CAMTA1: variants seen among roughly 807,000 people sequenced by gnomAD.
CAMTA1 encodes the protein calmodulin binding transcription activator 1.
A neutral mutation model predicts 170.9 loss-of-function variants in CAMTA1; 27 were observed. That is an observed-to-expected ratio of 0.16 (90% confidence interval 0.12 to 0.22). The LOEUF is 0.22. Among genes scored for constraint, CAMTA1 ranks in the 10% least tolerant of loss-of-function variants. The probability of loss-of-function intolerance (pLI) is 1.00; values close to 1 mark genes in which losing one functional copy is unlikely to be tolerated. For synonymous variants in CAMTA1, 833 were observed against 891.5 expected, an observed-to-expected ratio of 0.93 and a Z score of 1.17; for missense variants, 1,619 against 2,217.2, an observed-to-expected ratio of 0.73 and a Z score of 5.42.
intron 6 of CAMTA1, among the ~76,000 whole-genome samples, chr1:7,572,374 T>C (rs1181963174): frequency 6.6e-6 from 1 of 152,262 alleles, no homozygotes; most frequent in Non-Finnish European, 1.5e-5. Flanking sequence ...TTGGCTTTTG[T>C]TGCACTTGTT....
chr1:7,398,181 C>A (rs1452793405), intron 5 of CAMTA1, among the ~76,000 whole-genome samples: 4 of 45,572 alleles, frequency 8.8e-5, no homozygotes, highest in African/African-American at 8.4e-5. Flanking sequence ...CTCTCTCTCT[C>A]TCTCTCTCTC....
intron 1 of CAMTA1, among the ~76,000 whole-genome samples, chr1:6,805,537 A>T (rs1354691491): frequency 6.6e-6 from 1 of 152,124 alleles, no homozygotes; most frequent in Admixed American, 6.5e-5. Context: ...AGAGGGTCTC[A>T]TTCTGTCACC....
intron 11 of CAMTA1, among the ~76,000 whole-genome samples, chr1:7,714,417 C>T (rs1029416708): frequency 5.3e-5 from 8 of 152,150 alleles, no homozygotes; most frequent in Non-Finnish European, 8.8e-5. Context: ...TGAATCGCTT[C>T]GATGAAATGG....
Position 7,221,339 on chromosome 1 carries a change from G to T in CAMTA1, c.303-28152G>T, listed in dbSNP as rs559793323. 3.3e-5 allele frequency among the ~76,000 whole-genome samples: 5 copies of T among 151,426 alleles called. No homozygotes were observed. In the East Asian group the frequency reaches 9.7e-4, roughly 30 times the overall value. The stretch of plus-strand genomic sequence containing the variant: ...GATGGGTATTGCACTCTCCTACCTT[G>T]TGCCAGAGACTGTGTGAGACTCGGA... On this transcript the variant is annotated intron_variant, in intron 4 of 22. Transcript: ENST00000303635.
In CAMTA1 at chr1:6,864,825, C is replaced by G. The variant is rs559153932; in HGVS notation, c.234+39615C>G. Among the ~76,000 whole-genome samples the G allele has an allele frequency of 5.3e-5, 8 of 152,254 alleles. 1 individual carries two copies. In the South Asian group the frequency reaches 1.2e-3, roughly 24 times the overall value. Reference sequence around the variant, plus strand: ...CCCCTGATGCTGGGAGTTACTTGTTCTATGTCGGAATTGTTCCTCAGTGCT... The same window carrying G: ...CCCCTGATGCTGGGAGTTACTTGTTGTATGTCGGAATTGTTCCTCAGTGCT... On this transcript the variant is annotated intron_variant, in intron 3 of 22. Coordinates refer to ENST00000303635, the MANE Select transcript of CAMTA1 (RefSeq NM_015215.4).
At position 7,335,960 on chromosome 1, in the gene CAMTA1, C is replaced by T. The variant is rs1322925813; in HGVS notation, c.438+86334C>T. On this transcript the variant is annotated intron_variant, in intron 5 of 22. Coordinates refer to ENST00000303635, the MANE Select transcript of CAMTA1 (RefSeq NM_015215.4). ...ATTTATCAAACTAATTAAAATGTAACCACCGGCTCATCGACTCTGGAAACC... is the reference window on the plus strand; with the variant it reads ...ATTTATCAAACTAATTAAAATGTAATCACCGGCTCATCGACTCTGGAAACC... Among the ~76,000 whole-genome samples, 4 of 152,310 alleles carry T rather than the reference C, an allele frequency of 2.6e-5. No homozygotes were observed. In the East Asian group the frequency reaches 7.7e-4, roughly 29 times the overall value.
intron 6 of CAMTA1, among the ~76,000 whole-genome samples, chr1:7,598,609 C>A (rs1305606262): frequency 1.3e-5 from 2 of 152,084 alleles, no homozygotes; most frequent in South Asian, 4.1e-4. Context: ...TGTTTCCTGA[C>A]TTTTTAATGA....
intron 4 of CAMTA1, among the ~76,000 whole-genome samples, chr1:7,174,498 G>A (rs908696447): frequency 3.3e-5 from 5 of 152,188 alleles, no homozygotes; most frequent in African/African-American, 1.2e-4. Flanking sequence ...AGAGGTAACC[G>A]AAACAGCTCT....
chr1:7,664,637 C>A lies in CAMTA1; in HGVS notation c.2090C>A (p.Ala697Glu). 6.2e-7 allele frequency: 1 copy of A among 1,607,368 alleles called. No individual in the cohort carries two copies. Residue 697 changes from alanine to glutamate, a missense_variant, in exon 9 of 23, where the codon GCG becomes GAG. Transcript: ENST00000303635. The stretch of plus-strand genomic sequence containing the variant: ...GAGGTCACCATGGAGACCTCGCAGG[C>A]GGCGGAAGGGAGCGAGGTCCTGCTC... ...EGEVTMETSQ[A>E]AEGSEVLLKS...
intron 5 of CAMTA1, among the ~76,000 whole-genome samples, chr1:7,260,679 T>G (rs1429506596): frequency 6.6e-6 from 1 of 152,206 alleles, no homozygotes; most frequent in African/African-American, 2.4e-5. Context: ...TCTTTAGGCG[T>G]GCAGTGCTTT....
chr1:7,177,928 AGAGGCTCCTCTCCACACACG>A (rs1651282787), intron 4 of CAMTA1, among the ~76,000 whole-genome samples: 1 of 145,358 alleles, frequency 6.9e-6, no homozygotes. Flanking sequence ...CTTCCGACAC[AGAGGCTCCTCTCCACACACG>A]GAGGCTCCTC....
intron 5 of CAMTA1, among the ~76,000 whole-genome samples, chr1:7,252,852 A>G (rs1014287203): frequency 6.6e-6 from 1 of 152,192 alleles, no homozygotes; most frequent in Non-Finnish European, 1.5e-5. Flanking sequence ...CAGGCCAGGA[A>G]AACTTCCAGC....
chr1:7,398,185 CTCTCTCTCTATATATATATATATATATA>C (rs1161929223), intron 5 of CAMTA1, among the ~76,000 whole-genome samples: 83 of 46,542 alleles, frequency 1.8e-3, no homozygotes, highest in African/African-American at 6.5e-3. Flanking sequence ...CTCTCTCTCT[CTCTCTCTCTATATATATATATATATATA>C]TATATATATA....
At chr1:7,070,016 C>T (rs1404830049) in intron 3 of CAMTA1, among the ~76,000 whole-genome samples, 1 of 152,242 alleles carries the variant, frequency 6.6e-6, no homozygotes, top group East Asian at 1.9e-4. Context: ...TCTCGCCCTC[C>T]TCCGCTGGGG....
chr1:7,672,141 A>G (rs1405427570), intron 10 of CAMTA1: 2 of 445,980 alleles, frequency 4.5e-6, no homozygotes, highest in Non-Finnish European at 9.0e-6. Context: ...AGGGAGACCC[A>G]CCCCTGTCCT....
At chr1:7,538,815 C>A (rs1245138165) in intron 6 of CAMTA1, among the ~76,000 whole-genome samples, 2 of 152,222 alleles carry the variant, frequency 1.3e-5, no homozygotes, top group Non-Finnish European at 1.5e-5. Context: ...TATGCTTAGA[C>A]CAGGCAGCAT....
In CAMTA1 at chr1:7,234,083, G is replaced by A. The variant is rs1200504547; in HGVS notation, c.303-15408G>A. On this transcript the variant is annotated intron_variant, in intron 4 of 22. Coordinates refer to ENST00000303635, the MANE Select transcript of CAMTA1 (RefSeq NM_015215.4). The surrounding 1 kb of genome is among the most constrained non-coding windows in gnomAD (Gnocchi z 5.0). ...TCGCTGTTAATACACGTGTACCCTTGGTTAATTCGTGTCTCTCATCACTCT... is the reference window on the plus strand; with the variant it reads ...TCGCTGTTAATACACGTGTACCCTTAGTTAATTCGTGTCTCTCATCACTCT... Among the ~76,000 whole-genome samples the A allele has an allele frequency of 6.6e-6, 1 of 152,096 alleles. No homozygotes were observed. Among genetic ancestry groups the A allele is most frequent in the East Asian group, 1.9e-4 (1 of 5,188 alleles).
At chr1:6,919,262 G>A (rs144587701) in intron 3 of CAMTA1, among the ~76,000 whole-genome samples, 3 of 152,304 alleles carry the variant, frequency 2.0e-5, no homozygotes, top group African/African-American at 7.2e-5. Context: ...TCCCCTCAGG[G>A]GTCCTGCAGC....
chr1:7,583,534 G>A (rs2095280135), intron 6 of CAMTA1, among the ~76,000 whole-genome samples: 1 of 152,176 alleles, frequency 6.6e-6, no homozygotes, highest in African/African-American at 2.4e-5. Flanking sequence ...GGCAGAGGCT[G>A]GCCCTGCATG....
Sources: allele counts gnomAD v4.1 joint callset (sites outside exome capture counted in the v4.1 genomes callset), GRCh38; gene constraint gnomAD v4.1.1; non-coding constraint Gnocchi (gnomAD v3.1); transcripts MANE v1.5; gene names NCBI Gene and HGNC (gene_info 2026-07-23, HGNC 2026-07-21).